SLC22A23: variants seen among roughly 807,000 people sequenced by gnomAD.
The protein encoded by SLC22A23 is solute carrier family 22 member 23.
SLC22A23 carries 26 observed loss-of-function variants against 61.0 expected under a neutral mutation model. That is an observed-to-expected ratio of 0.43 (90% CI 0.31 to 0.59). The LOEUF is 0.59. Ranked by LOEUF, SLC22A23 falls within the 20% of genes least tolerant of loss-of-function variation. The pLI, the probability that SLC22A23 is intolerant of heterozygous loss-of-function variation, is 0.11. For missense variants in SLC22A23, 796 were observed against 934.7 expected (o/e 0.85, Z 1.94); for synonymous variants, 430 against 413.9 (o/e 1.04, Z -0.47).
rs576531894 is a variant in SLC22A23 at position 3,333,284 on chromosome 6, C to T, written c.914-9282G>A. Among the ~76,000 whole-genome samples, 8 of 152,182 alleles carry T rather than the reference C, an allele frequency of 5.3e-5. No homozygotes were observed. The highest frequency in any genetic ancestry group is 1.2e-4 in the Non-Finnish European group (8 of 68,032). ...AGGGCCAGCTCTTTGCCCTGAAATACGGTCAGTTCAGAAGAGGCAGCATCA... is the reference window on the plus strand; with the variant it reads ...AGGGCCAGCTCTTTGCCCTGAAATATGGTCAGTTCAGAAGAGGCAGCATCA... On this transcript the variant is annotated intron_variant, in intron 3 of 9. Transcript: ENST00000406686. This position sits in a 1 kb window ranked among gnomAD's most constrained non-coding sequence, Gnocchi z 4.1.
At position 3,410,034 on chromosome 6, in the gene SLC22A23, G is replaced by GC; in HGVS notation, c.913+153dup. Among the ~76,000 whole-genome samples, 1 of 152,188 alleles carries GC rather than the reference G, an allele frequency of 6.6e-6. No individual in the cohort carries two copies. The highest frequency in any genetic ancestry group is 1.5e-5 in the Non-Finnish European group (1 of 68,046). Reference sequence around the variant, plus strand: ...AATGTTTCACGGCATCACCTGAAAAGCCTCTTTCACAACACTTGAGGCCTT... The same window carrying GC: ...AATGTTTCACGGCATCACCTGAAAAGCCCTCTTTCACAACACTTGAGGCCTT... On this transcript the variant is annotated intron_variant, in intron 3 of 9. Transcript: ENST00000406686. This position sits in a 1 kb window ranked among gnomAD's most constrained non-coding sequence, Gnocchi z 5.0.
chr6:3,396,625 G>A (rs779240403), intron 3 of SLC22A23, among the ~76,000 whole-genome samples: 2 of 152,144 alleles, frequency 1.3e-5, no homozygotes, highest in Non-Finnish European at 2.9e-5. Context: ...ATTGAGAGGA[G>A]CACATCAGCA....
chr6:3,432,625 G>T (rs1057392844), intron 1 of SLC22A23, among the ~76,000 whole-genome samples: 13 of 152,174 alleles, frequency 8.5e-5, no homozygotes, highest in African/African-American at 1.7e-4. Flanking sequence ...TGTTTAACCT[G>T]CTTTCAGAGG....
At chr6:3,366,343 AAAAAAAAAAAAAAAG>A (rs1229086022) in intron 3 of SLC22A23, among the ~76,000 whole-genome samples, 2 of 146,228 alleles carry the variant, frequency 1.4e-5, no homozygotes, top group Non-Finnish European at 3.0e-5. Flanking sequence ...AAAAAAAAAA[AAAAAAAAAAAAAAAG>A]AAAGAAAGAA....
At chr6:3,292,196 A>T (rs189636273) in intron 5 of SLC22A23, among the ~76,000 whole-genome samples, 1 of 152,182 alleles carries the variant, frequency 6.6e-6, no homozygotes, top group African/African-American at 2.4e-5. Flanking sequence ...CCGCAGCATT[A>T]TATCTGTTCT....
In SLC22A23 at chr6:3,282,094, A is replaced by G. The variant is rs113226044; in HGVS notation, c.1703+1758T>C. On this transcript the variant is annotated intron_variant, in intron 9 of 9. Coordinates refer to ENST00000406686, the MANE Select transcript of SLC22A23 (RefSeq NM_015482.2). ...TACCCGCTAGCCACCCCCTCCCCCA[A>G]CAAAATATGCATAATCATGCAAAGG... 47 of 647,376 alleles carry G rather than the reference A, an allele frequency of 7.3e-5. 1 individual carries two copies. The highest frequency in any genetic ancestry group is 5.6e-4 in the African/African-American group (31 of 55,756). The allele number at this position is 647,376 out of a possible 1,614,324, so 40.1% of individuals were successfully genotyped here. A position where few individuals can be genotyped will look rare whatever the true frequency, so the allele number is the denominator to read the frequency against.
chr6:3,395,362 AC>A (rs1245310041), intron 3 of SLC22A23, among the ~76,000 whole-genome samples: 2 of 152,110 alleles, frequency 1.3e-5, no homozygotes, highest in Non-Finnish European at 2.9e-5. Flanking sequence ...CGTACGGCAA[AC>A]CCTACTGAGC....
At chr6:3,284,786 A>C in intron 8 of SLC22A23, 1 of 957,550 alleles carries the variant, frequency 1.0e-6, no homozygotes, top group Non-Finnish European at 1.6e-6. Flanking sequence ...AAGACAAAGC[A>C]TGTTGGCGCC....
chr6:3,330,831 G>A lies in SLC22A23; in HGVS notation c.914-6829C>T, dbSNP rs1763542493. Reference sequence around the variant, plus strand: ...AGTAGTTTTCTCCATTTAGAGAAAGGGAAAATTTTAAAAAACAGAGAAATT... The same window carrying A: ...AGTAGTTTTCTCCATTTAGAGAAAGAGAAAATTTTAAAAAACAGAGAAATT... On this transcript the variant is annotated intron_variant, in intron 3 of 9. Coordinates refer to ENST00000406686, the MANE Select transcript of SLC22A23 (RefSeq NM_015482.2). The surrounding 1 kb of genome is among the most constrained non-coding windows in gnomAD (Gnocchi z 4.7). 6.6e-6 allele frequency among the ~76,000 whole-genome samples: 1 copy of A among 152,182 alleles called. No homozygotes were observed. Among genetic ancestry groups the A allele is most frequent in the African/African-American group, 2.4e-5 (1 of 41,440 alleles).
chr6:3,366,332 C>CAAAAAAAAA (rs11387672), intron 3 of SLC22A23, among the ~76,000 whole-genome samples: 71 of 74,136 alleles, frequency 9.6e-4, no homozygotes, highest in African/African-American at 3.4e-3. Context: ...GACTCTGTCT[C>CAAAAAAAAA]AAAAAAAAAA....
At position 3,309,531 on chromosome 6, in the gene SLC22A23, T is replaced by C. The variant is rs1375175366; in HGVS notation, c.1083-11313A>G. Among the ~76,000 whole-genome samples, 1 of 152,022 alleles carries C rather than the reference T, an allele frequency of 6.6e-6. No homozygotes were observed. The highest frequency in any genetic ancestry group is 1.5e-5 in the Non-Finnish European group (1 of 68,020). ...CCTGACCGTAATAAGGACTGTGGGC[T>C]GACAAGCAGGTGGCACCTGACCATA... is the stretch of plus-strand genomic sequence containing the variant. On this transcript the variant is annotated intron_variant, in intron 4 of 9. Transcript: ENST00000406686. The surrounding 1 kb of genome is among the most constrained non-coding windows in gnomAD (Gnocchi z 4.7).
intron 2 of SLC22A23, among the ~76,000 whole-genome samples, chr6:3,415,249 TC>T (rs1401201673): frequency 1.3e-5 from 2 of 152,042 alleles, no homozygotes; most frequent in African/African-American, 4.8e-5. Context: ...AAGGTGCAGC[TC>T]CCTACAGACC....
At chr6:3,433,116 T>G (rs1365685011) in intron 1 of SLC22A23, among the ~76,000 whole-genome samples, 1 of 152,176 alleles carries the variant, frequency 6.6e-6, no homozygotes, top group African/African-American at 2.4e-5. Flanking sequence ...TAGGTCTTCA[T>G]CAAACGCTCA....
intron 1 of SLC22A23, among the ~76,000 whole-genome samples, 194 bp downstream of exon 1, chr6:3,455,712 A>G (rs1772365017): frequency 6.6e-6 from 1 of 152,208 alleles, no homozygotes; most frequent in South Asian, 2.1e-4. Context: ...CAAACTAGTA[A>G]AGGCTATGGT....
chr6:3,291,390 T>G (rs981378549), intron 5 of SLC22A23: 3 of 152,238 alleles, frequency 2.0e-5, no homozygotes, highest in Non-Finnish European at 4.4e-5. Context: ...AGCAATGATG[T>G]TTTTATTCAA....
chr6:3,335,767 A>C (rs1183864924), intron 3 of SLC22A23, among the ~76,000 whole-genome samples: 2 of 152,170 alleles, frequency 1.3e-5, no homozygotes, highest in Admixed American at 6.5e-5. Flanking sequence ...ACCTAATAAG[A>C]TATCTGAGTT....
At chr6:3,276,761 AGAT>A (rs1443908120) in intron 9 of SLC22A23, 1 of 152,260 alleles carries the variant, frequency 6.6e-6, no homozygotes, top group African/African-American at 2.4e-5. Flanking sequence ...TTATTCCATT[AGAT>A]GATTGTCAAG....
intron 3 of SLC22A23, among the ~76,000 whole-genome samples, chr6:3,394,064 A>G (rs1767847345): frequency 6.6e-6 from 1 of 152,250 alleles, no homozygotes; most frequent in Admixed American, 6.5e-5. Context: ...ACATGAAATA[A>G]GATCCGGCAG....
chr6:3,299,097 C>A (rs960221039), intron 4 of SLC22A23, among the ~76,000 whole-genome samples: 3 of 152,058 alleles, frequency 2.0e-5, no homozygotes, highest in African/African-American at 7.3e-5. Context: ...CACTGTGTAC[C>A]CCATAAATAT....
Sources: allele counts gnomAD v4.1 joint callset (sites outside exome capture counted in the v4.1 genomes callset), GRCh38; gene constraint gnomAD v4.1.1; non-coding constraint Gnocchi (gnomAD v3.1); transcripts MANE v1.5; gene names NCBI Gene and HGNC (gene_info 2026-07-23, HGNC 2026-07-21).